KCNH2: variants seen among roughly 807,000 people sequenced by gnomAD.
KCNH2 encodes voltage-gated inwardly rectifying potassium channel KCNH2.
KCNH2 carries 35 observed loss-of-function variants against 95.9 expected under a neutral mutation model. The ratio of observed to expected loss-of-function variants is 0.37; its 90% CI spans 0.28 to 0.48. The LOEUF (loss-of-function observed/expected upper bound fraction) is 0.48, where lower values mean the gene tolerates loss of function less well. Among genes scored for constraint, KCNH2 ranks in the 20% least tolerant of loss-of-function variants. KCNH2 has a pLI of 0.99. For missense variants in KCNH2, 1,274 were observed against 1,702.9 expected (o/e 0.75, Z 4.43); for synonymous variants, 786 against 754.7 (o/e 1.04, Z -0.68).
Position 150,950,153 on chromosome 7 carries a change from C to T in KCNH2, c.2398+15G>A, listed in dbSNP as rs145263984. 1.4e-6 allele frequency: 1 copy of T among 712,824 alleles called. No homozygotes were observed. The highest frequency in any genetic ancestry group is 1.9e-5 in the Admixed American group (1 of 52,632). 44.2% of individuals were successfully genotyped at this position (712,824 alleles called of 1,614,324 possible). On this transcript the variant is annotated intron_variant, in intron 9 of 14. Transcript: ENST00000262186. ...GAGGGCATTTCCAGTCCAGTGCCCG[C>T]CCCCCACCCCATACCCAGGATGGCC... is the stretch of plus-strand genomic sequence containing the variant.
In KCNH2 at chr7:150,952,034, AG is replaced by A. The variant is rs1334163082; in HGVS notation, c.1558-200del. 6.6e-6 allele frequency among the ~76,000 whole-genome samples: 1 copy of A among 152,196 alleles called. No homozygotes were observed. The highest frequency in any genetic ancestry group is 2.4e-5 in the African/African-American group (1 of 41,442). On this transcript the variant is annotated intron_variant, in intron 6 of 14. Coordinates refer to ENST00000262186, the MANE Select transcript of KCNH2 (RefSeq NM_000238.4). The surrounding 1 kb of genome is among the most constrained non-coding windows in gnomAD (Gnocchi z 7.3). ...TTAGTGCTAGCTTTGGGACAGAGGC[AG>A]CCCCCATAGTGTGGATGAGGAAACA...
intron 1 of KCNH2, among the ~76,000 whole-genome samples, chr7:150,977,534 C>G (rs1025056434): frequency 6.6e-6 from 1 of 152,084 alleles, no homozygotes; most frequent in African/African-American, 2.4e-5. Context: ...GTTGGGGACA[C>G]CTGCACACTC....
rs780656919 is a variant in KCNH2, at chr7:150,950,922, G to A, written c.2144C>T (p.Ala715Val). 15 of 1,614,058 alleles carry A rather than the reference G, an allele frequency of 9.3e-6. No individual in the cohort carries two copies. Among genetic ancestry groups the A allele is most frequent in the Non-Finnish European group, 1.0e-5 (12 of 1,180,002 alleles). The change falls in exon 8 of 15, where the codon GCG (alanine) becomes GTG (valine). Residue 715 changes from alanine to valine, a missense_variant and splice_region_variant. By Grantham distance (64) the Ala-to-Val change is moderately conservative. Transcript: ENST00000262186. ...WSYTNGIDMNAVLKGFPECLQ... is the reference protein window; with the variant it reads ...WSYTNGIDMNVVLKGFPECLQ... ...CTGGCCACGCTCTGGTGGCCTCACC[G>A]CGTTCATGTCGATGCCGTTGGTGTA...
At position 150,955,684 on chromosome 7, in the gene KCNH2, C is replaced by T. The variant is rs972173373; in HGVS notation, c.1128+1607G>A. 2.2e-6 allele frequency: 3 copies of T among 1,376,426 alleles called. No homozygotes were observed. The African/African-American group carries it at 4.5e-5, about 21-fold the overall frequency. 85.3% of individuals were successfully genotyped at this position (1,376,426 alleles called of 1,614,324 possible). ...TGGCTGGGCCCCAGGGCTGGGGTCA[C>T]CCTGGCAGTAAGCGTGGGCAGCAGC... On this transcript the variant is annotated intron_variant, in intron 5 of 14. Coordinates refer to ENST00000262186, the MANE Select transcript of KCNH2 (RefSeq NM_000238.4).
At chr7:150,957,962 G>T in intron 4 of KCNH2, 97 bp downstream of exon 4, 2 of 955,300 alleles carry the variant, frequency 2.1e-6, no homozygotes, top group Non-Finnish European at 2.8e-6. Flanking sequence ...CACCCAGGAC[G>T]TAGTGAAAAG....
rs1159620963 is a variant in KCNH2, at chr7:150,951,524, G to T, written c.1869C>A (p.Thr623=). 1 of 1,614,234 alleles carries T rather than the reference G, an allele frequency of 6.2e-7. No individual in the cohort carries two copies. The highest frequency in any genetic ancestry group is 8.5e-7 in the Non-Finnish European group (1 of 1,180,042). Residue 623 remains threonine, a synonymous_variant, in exon 7 of 15, where the codon ACC becomes ACA. Transcript: ENST00000262186. ...TALYFTFSSL[T]SVGFGNVSPN... ...GAGAGACGTTGCCGAAGCCCACACT[G>T]GTGAGGCTGCTGAAGGTGAAGTAGA...
At position 150,952,601 on chromosome 7, in the gene KCNH2, T is replaced by C. The variant is rs1307068706; in HGVS notation, c.1381A>G (p.Ile461Val). 1 of 1,614,040 alleles carries C rather than the reference T, an allele frequency of 6.2e-7. No individual in the cohort carries two copies. ...ATGAGGATGTCCACAATGAACATGA[T>C]GTCCACGATGAGGTCCACCACAGCC... ...PLAVVDLIVD[I>V]MFIVDILINF... The change falls in exon 6 of 15, where the codon ATC (isoleucine) becomes GTC (valine). Residue 461 changes from isoleucine (I) to valine (V), a missense_variant. Ile to Val is a conservative substitution (Grantham distance 29). Around this residue, in one of 7 missense-constraint regions of KCNH2, gnomAD observed 147 missense variants for 344.4 expected, o/e 0.43. Transcript: ENST00000262186. The surrounding 1 kb of genome is among the most constrained non-coding windows in gnomAD (Gnocchi z 7.3).
chr7:150,947,192 C>G, intron 13 of KCNH2, 136 bp downstream of exon 13: 1 of 1,115,270 alleles, frequency 9.0e-7, no homozygotes, highest in Non-Finnish European at 1.3e-6. Flanking sequence ...TGGCAGCCCC[C>G]AGCTGGGCTA....
At chr7:150,975,554 G>A (rs907873709) in intron 1 of KCNH2, among the ~76,000 whole-genome samples, 2 of 152,182 alleles carry the variant, frequency 1.3e-5, no homozygotes, top group African/African-American at 4.8e-5. Flanking sequence ...GTGCCAGAGA[G>A]GATGAGGGAA....
At chr7:150,968,876 T>C (rs1025030276) in intron 2 of KCNH2, among the ~76,000 whole-genome samples, 3 of 152,312 alleles carry the variant, frequency 2.0e-5, no homozygotes, top group Admixed American at 2.0e-4. Flanking sequence ...GGCTAGGAGC[T>C]GCAGCCACTT....
chr7:150,951,877 G>A (rs765378686), intron 6 of KCNH2, 42 bp from the exon 7 acceptor site: 2 of 1,525,122 alleles, frequency 1.3e-6, no homozygotes, highest in Non-Finnish European at 1.8e-6. Context: ...ATGGGGCAAG[G>A]GGGGCAAGGG....
chr7:150,974,944 A>C lies in KCNH2; in HGVS notation c.77-3T>G. 6.3e-7 allele frequency: 1 copy of C among 1,591,226 alleles called. No individual in the cohort carries two copies. Among genetic ancestry groups the C allele is most frequent in the African/African-American group, 1.3e-5 (1 of 74,566 alleles). The stretch of plus-strand genomic sequence containing the variant: ...GTTGGCGATGATGAACTTACGGCCT[A>C]GGGGGGCGGGGAGGAGAGTGCGCGT... On this transcript the variant is annotated splice_region_variant and splice_polypyrimidine_tract_variant and intron_variant, in intron 1 of 14. Coordinates refer to ENST00000262186, the MANE Select transcript of KCNH2 (RefSeq NM_000238.4).
At chr7:150,958,608 C>G (rs1166672476) in intron 3 of KCNH2, 106 bp from the exon 4 acceptor site, 5 of 843,066 alleles carry the variant, frequency 5.9e-6, no homozygotes, top group South Asian at 4.4e-5. Context: ...AGGAGGGGAA[C>G]GGGCAACCCC....
In KCNH2 at chr7:150,946,928, C is replaced by A. The variant is rs202198564; in HGVS notation, c.3279G>T (p.Pro1093=). ...TGGGGAGGGGGCTGACGGGCAACAGCGGGGATGTGGAAGTGGGGCCAGGCC... is the reference window on the plus strand; with the variant it reads ...TGGGGAGGGGGCTGACGGGCAACAGAGGGGATGTGGAAGTGGGGCCAGGCC... ...TPGPGPTSTS[P]LLPVSPLPTL... Residue 1093 remains proline (P), a synonymous_variant, in exon 14 of 15, where the codon CCG becomes CCT. Coordinates refer to ENST00000262186, the MANE Select transcript of KCNH2 (RefSeq NM_000238.4). This position sits in a 1 kb window ranked among gnomAD's most constrained non-coding sequence, Gnocchi z 6.5. 2 of 1,598,078 alleles carry A rather than the reference C, an allele frequency of 1.3e-6. No homozygotes were observed. The highest frequency in any genetic ancestry group is 2.3e-5 in the East Asian group (1 of 44,382).
At chr7:150,955,809 C>T (rs1423887064) in intron 5 of KCNH2, 2 of 1,141,722 alleles carry the variant, frequency 1.8e-6, no homozygotes, top group Non-Finnish European at 2.1e-6. Flanking sequence ...GCACTCGGAA[C>T]CTCAGCTCCT....
chr7:150,963,790 GAGGC>G (rs1801631479), intron 2 of KCNH2, among the ~76,000 whole-genome samples: 1 of 152,212 alleles, frequency 6.6e-6, no homozygotes, highest in South Asian at 2.1e-4. Flanking sequence ...TGGCCTGGGT[GAGGC>G]AGGCAGGCTG....
At chr7:150,948,334 G>T in intron 11 of KCNH2, 110 bp downstream of exon 11, 1 of 867,242 alleles carries the variant, frequency 1.2e-6, no homozygotes, top group Non-Finnish European at 1.8e-6. Context: ...ACTGGAGGAA[G>T]GGATGGGAAG....
chr7:150,970,098 C>T (rs1031171125), intron 2 of KCNH2, among the ~76,000 whole-genome samples: 1 of 152,082 alleles, frequency 6.6e-6, no homozygotes, highest in Non-Finnish European at 1.5e-5. Context: ...TGAGAGAGAA[C>T]GTGTTTTTAA....
chr7:150,950,985 C>T lies in KCNH2; in HGVS notation c.2081G>A (p.Arg694His), dbSNP rs794728383. Residue 694 changes from arginine to histidine, a missense_variant, in exon 8 of 15, where the codon CGC becomes CAC. Arg to His is a conservative substitution (Grantham distance 29). Transcript: ENST00000262186. ...CTGGAAGTACTCCTCGAGGCGCTGGCGCAGGGGATTGGGGATCTGGTGGAA... is the reference window on the plus strand; with the variant it reads ...CTGGAAGTACTCCTCGAGGCGCTGGTGCAGGGGATTGGGGATCTGGTGGAA... ...IRFHQIPNPL[R>H]QRLEEYFQHA... The T allele has an allele frequency of 4.3e-6, 7 of 1,614,122 alleles. No homozygotes were observed. Among genetic ancestry groups the T allele is most frequent in the Middle Eastern group, 1.6e-4 (1 of 6,084 alleles).
Sources: gnomAD v4.1 joint callset for allele counts (sites outside exome capture counted in the v4.1 genomes callset) on GRCh38, gnomAD v4.1.1 for gene constraint, gnomAD v4.1.1 regional missense constraint, Gnocchi (gnomAD v3.1) non-coding constraint, MANE v1.5 for transcripts, NCBI Gene and HGNC (gene_info 2026-07-23, HGNC 2026-07-21) for gene names.